RNASEH2B: variants seen among roughly 807,000 people sequenced by gnomAD.
RNASEH2B encodes ribonuclease H2 subunit B, also known as Aicardi-Goutieres syndrome 2 protein.
A neutral mutation model predicts 45.0 loss-of-function variants in RNASEH2B; 36 were observed. That is an observed-to-expected ratio of 0.80 (90% confidence interval 0.61 to 1.06). The LOEUF (loss-of-function observed/expected upper bound fraction) is 1.06, where lower values mean the gene tolerates loss of function less well. RNASEH2B is among the 50% of genes least tolerant of loss of function. The probability of loss-of-function intolerance (pLI) is 0.00; values close to 1 mark genes in which losing one functional copy is unlikely to be tolerated. For synonymous variants in RNASEH2B, 119 were observed against 125.7 expected (o/e 0.95, Z 0.35); for missense variants, 361 against 360.3 (o/e 1.00, Z -0.02).
chr13:50,929,424 T>TTGTGTG (rs199744138), intron 2 of RNASEH2B, 51 bp from the exon 3 acceptor site: 1 of 1,066,764 alleles, frequency 9.4e-7, no homozygotes, highest in African/African-American at 1.6e-5. Flanking sequence ...GTGTGTGTGT[T>TTGTGTG]TGTGTGTGTG....
chr13:50,916,665 G>T (rs1191146384), intron 1 of RNASEH2B, among the ~76,000 whole-genome samples: 3 of 152,184 alleles, frequency 2.0e-5, no homozygotes, highest in Non-Finnish European at 2.9e-5. Flanking sequence ...TTACATTTTT[G>T]AGGACAACCA....
intron 1 of RNASEH2B, among the ~76,000 whole-genome samples, chr13:50,925,390 G>T (rs1951580194): frequency 1.3e-5 from 2 of 152,072 alleles, no homozygotes; most frequent in East Asian, 1.9e-4. Flanking sequence ...CATAGTATTT[G>T]ATTAGATGGC....
downstream of RNASEH2B, among the ~76,000 whole-genome samples, chr13:50,957,256 C>A (rs1216066992): frequency 6.6e-6 from 1 of 152,122 alleles, no homozygotes; most frequent in Non-Finnish European, 1.5e-5. Flanking sequence ...CCCACTCTTC[C>A]TCCCCTTGAA....
chr13:50,949,579 G>T (rs1416416239), intron 9 of RNASEH2B, 74 bp downstream of exon 9: 4 of 1,354,372 alleles, frequency 3.0e-6, no homozygotes, highest in Non-Finnish European at 3.2e-6. Flanking sequence ...AGTTTAGTTG[G>T]TTCTAATATA....
At position 50,927,605 on chromosome 13, in the gene RNASEH2B, A is replaced by G. The variant is rs564848145; in HGVS notation, c.136+127A>G. 3.7e-5 allele frequency: 26 copies of G among 707,956 alleles called. No individual in the cohort carries two copies. The East Asian group carries it at 3.7e-4, about 10-fold the overall frequency. 43.9% of individuals were successfully genotyped at this position (707,956 alleles called of 1,614,324 possible). ...AAGTTAAGATGGCACCGTGAGGAGA[A>G]GAAAACAAGGTGATGACATTACTAG... On this transcript the variant is annotated intron_variant, in intron 2 of 10. Transcript: ENST00000336617.
intron 1 of RNASEH2B, among the ~76,000 whole-genome samples, chr13:50,917,089 C>T (rs1004985068): frequency 3.3e-5 from 5 of 152,220 alleles, no homozygotes; most frequent in Admixed American, 3.3e-4. Context: ...AAACAGCCTT[C>T]TGACTGGTCC....
At chr13:50,937,443 T>C (rs1295163760) in intron 5 of RNASEH2B, 1 of 152,010 alleles carries the variant, frequency 6.6e-6, no homozygotes, top group Non-Finnish European at 1.5e-5. Flanking sequence ...CCCAAGCTGG[T>C]CTTGAACTCC....
At chr13:50,967,144 T>C (rs1952172986) in intron 9 of RNASEH2B, among the ~76,000 whole-genome samples, 1 of 152,190 alleles carries the variant, frequency 6.6e-6, no homozygotes, top group Non-Finnish European at 1.5e-5. Context: ...CCATGTCTCC[T>C]TTACACCTGG....
At chr13:50,940,803 T>A (rs970662080) in intron 5 of RNASEH2B, 4 of 152,210 alleles carry the variant, frequency 2.6e-5, no homozygotes, top group African/African-American at 9.7e-5. Flanking sequence ...ATCAGATAAG[T>A]CATTAGAGAC....
rs1200085890 is a variant in RNASEH2B, at chr13:50,967,314, T to C, written c.742-2618T>C. ...ACTGGGTTTTGGGGTGCCCATGATA[T>C]GTGTATATGTATATTTCTTTTCTTC... On this transcript the variant is annotated intron_variant, in intron 9 of 9. Coordinates refer to the RNASEH2B transcript ENST00000422660. 7.9e-5 allele frequency among the ~76,000 whole-genome samples: 12 copies of C among 152,234 alleles called. 1 individual carries two copies. Among genetic ancestry groups the C allele is most frequent in the African/African-American group, 1.2e-4 (5 of 41,466 alleles).
intron 1 of RNASEH2B, among the ~76,000 whole-genome samples, chr13:50,918,338 T>C (rs1879862649): frequency 1.3e-5 from 2 of 152,124 alleles, no homozygotes; most frequent in South Asian, 4.1e-4. Flanking sequence ...GGGGTTTCAC[T>C]GTGTTAACCA....
At chr13:50,947,858 G>A in intron 7 of RNASEH2B, 129 bp from the exon 8 acceptor site, 1 of 1,467,008 alleles carries the variant, frequency 6.8e-7, no homozygotes, top group East Asian at 2.3e-5. Flanking sequence ...AGAAAACTGA[G>A]GCTAGAGCTT....
intron 6 of RNASEH2B, 21 bp from the exon 7 acceptor site, chr13:50,945,406 C>A (rs1358469293): frequency 6.5e-7 from 1 of 1,532,350 alleles, no homozygotes; most frequent in Non-Finnish European, 9.0e-7. Context: ...CCCTGCCTTT[C>A]CCCTCTTGGT....
Position 50,954,002 on chromosome 13 carries a change from G to A in RNASEH2B, c.822+17G>A. On this transcript the variant is annotated intron_variant, in intron 10 of 10. Coordinates refer to ENST00000336617, the MANE Select transcript of RNASEH2B (RefSeq NM_024570.4). The stretch of plus-strand genomic sequence containing the variant: ...ACTGAAAAGGTATGTGGGTTCAGGT[G>A]TAGTGGTGTTTCGTTCATACTCAGT... The A allele has an allele frequency of 6.6e-7, 1 of 1,517,232 alleles. No homozygotes were observed. Among genetic ancestry groups the A allele is most frequent in the Non-Finnish European group, 9.2e-7 (1 of 1,092,072 alleles). The allele number at this position is 1,517,232 out of a possible 1,614,324, so 94.0% of individuals were successfully genotyped here.
At chr13:50,913,665 C>A (rs1374278175) in intron 1 of RNASEH2B, among the ~76,000 whole-genome samples, 1 of 152,140 alleles carries the variant, frequency 6.6e-6, no homozygotes, top group Non-Finnish European at 1.5e-5. Context: ...AGTTATCCCC[C>A]TTTATTTCAT....
chr13:50,934,205 T>G (rs539188838), intron 4 of RNASEH2B: 3 of 152,710 alleles, frequency 2.0e-5, no homozygotes, highest in South Asian at 4.1e-4. Context: ...TAGACCTAAT[T>G]CCAAAGAATG....
intron 1 of RNASEH2B, chr13:50,921,070 G>A (rs1389762898): frequency 1.3e-5 from 2 of 152,168 alleles, no homozygotes; most frequent in Non-Finnish European, 2.9e-5. Context: ...TGAGGGAAGG[G>A]TTACTGATTG....
intron 5 of RNASEH2B, among the ~76,000 whole-genome samples, chr13:50,940,511 T>C (rs1951820858): frequency 2.0e-5 from 3 of 152,238 alleles, no homozygotes; most frequent in African/African-American, 7.2e-5. Flanking sequence ...CAAAATAATA[T>C]TGGCTCCTTT....
intron 9 of RNASEH2B, among the ~76,000 whole-genome samples, chr13:50,968,973 A>G (rs537587941): frequency 1.3e-5 from 2 of 152,372 alleles, no homozygotes; most frequent in South Asian, 4.1e-4. Flanking sequence ...TTGTAAAATT[A>G]AAGTTAGACA....
Sources: allele counts gnomAD v4.1 joint callset (sites outside exome capture counted in the v4.1 genomes callset), GRCh38; gene constraint gnomAD v4.1.1; transcripts MANE v1.5; gene names NCBI Gene and HGNC (gene_info 2026-07-23, HGNC 2026-07-21).